Variants in CAMTA1 observed in about 807,000 individuals in gnomAD.
CAMTA1 encodes the protein calmodulin binding transcription activator 1, also known as calmodulin-binding transcription activator 1.
Under a neutral mutation model 170.9 loss-of-function variants are expected in CAMTA1, and 27 were observed. The observed-to-expected ratio is 0.16, with a 90% CI of 0.12 to 0.22. The LOEUF is 0.22. Among genes scored for constraint, CAMTA1 ranks in the 10% least tolerant of loss-of-function variants. The probability of loss-of-function intolerance (pLI) is 1.00; values close to 1 mark genes in which losing one functional copy is unlikely to be tolerated. For synonymous variants in CAMTA1, 833 were observed against 891.5 expected, an observed-to-expected ratio of 0.93 and a Z score of 1.17; for missense variants, 1,619 against 2,217.2, an observed-to-expected ratio of 0.73 and a Z score of 5.42.
At chr1:7,489,321 A>G (rs909533627) in intron 6 of CAMTA1, among the ~76,000 whole-genome samples, 2 of 152,224 alleles carry the variant, frequency 1.3e-5, no homozygotes, top group Non-Finnish European at 2.9e-5. Context: ...AATCACAGCC[A>G]AGAGATCTTT....
At chr1:7,541,522 A>G (rs1450793661) in intron 6 of CAMTA1, among the ~76,000 whole-genome samples, 1 of 152,258 alleles carries the variant, frequency 6.6e-6, no homozygotes, top group Non-Finnish European at 1.5e-5. Context: ...ATTGCTGCCC[A>G]AGGTGCACGG....
intron 4 of CAMTA1, among the ~76,000 whole-genome samples, chr1:7,239,864 A>C (rs1249215666): frequency 1.3e-5 from 2 of 152,008 alleles, no homozygotes. Context: ...AGAGAGGGCA[A>C]GAATGAGAGA....
chr1:7,530,194 C>T (rs540941593), intron 6 of CAMTA1, among the ~76,000 whole-genome samples: 18 of 152,320 alleles, frequency 1.2e-4, no homozygotes, highest in African/African-American at 4.1e-4. Flanking sequence ...GGGCACAGCC[C>T]GTGCACAGCC....
chr1:7,680,288 T>C lies in CAMTA1; in HGVS notation c.2914+2555T>C. On this transcript the variant is annotated intron_variant, in intron 11 of 22. Coordinates refer to ENST00000303635, the MANE Select transcript of CAMTA1 (RefSeq NM_015215.4). The surrounding 1 kb of genome is among the most constrained non-coding windows in gnomAD (Gnocchi z 4.4). ...CTCCGCAGCTTCTCGGCTCAGCCCC[T>C]CCCGTCCCCGCGGGCGCTGGGCCGA... The C allele has an allele frequency of 5.0e-6, 1 of 200,194 alleles. No individual in the cohort carries two copies. Among genetic ancestry groups the C allele is most frequent in the Non-Finnish European group, 1.1e-5 (1 of 92,426 alleles). The allele number at this position is 200,194 out of a possible 1,614,324, so 12.4% of individuals were successfully genotyped here.
Position 7,701,870 on chromosome 1 carries a change from G to A in CAMTA1, c.2914+24137G>A, listed in dbSNP as rs572707741. ...GTGTAACAATATGCTTGAATCATGC[G>A]CGTGCCTTATTCTCTCATCTTCTAA... is the stretch of plus-strand genomic sequence containing the variant. On this transcript the variant is annotated intron_variant, in intron 11 of 22. Transcript: ENST00000303635. Among the ~76,000 whole-genome samples the A allele has an allele frequency of 3.9e-3, 586 of 152,154 alleles. 4 individuals carry two copies. The highest frequency in any genetic ancestry group is 0.013 in the African/African-American group (552 of 41,490).
intron 11 of CAMTA1, among the ~76,000 whole-genome samples, chr1:7,700,437 TG>T (rs2096427109): frequency 6.6e-6 from 1 of 152,248 alleles, no homozygotes; most frequent in Non-Finnish European, 1.5e-5. Context: ...TTTCTTTTAC[TG>T]GAAGTTGATA....
intron 10 of CAMTA1, chr1:7,672,207 T>A (rs778566486): frequency 2.3e-5 from 9 of 384,584 alleles, no homozygotes; most frequent in Non-Finnish European, 4.2e-5. Flanking sequence ...AGACTGGGGG[T>A]GAGGAGGAAA....
intron 5 of CAMTA1, among the ~76,000 whole-genome samples, chr1:7,290,252 C>T (rs1672932607): frequency 6.6e-6 from 1 of 152,240 alleles, no homozygotes; most frequent in Non-Finnish European, 1.5e-5. Context: ...CTGCCTTTGA[C>T]AGTGCCTTCC....
At chr1:6,938,801 A>G (rs1453470722) in intron 3 of CAMTA1, among the ~76,000 whole-genome samples, 1 of 152,114 alleles carries the variant, frequency 6.6e-6, no homozygotes, top group African/African-American at 2.4e-5. Context: ...TGACTGCGGT[A>G]TAGACTGACC....
intron 4 of CAMTA1, among the ~76,000 whole-genome samples, chr1:7,176,366 G>T (rs745549840): frequency 1.3e-5 from 2 of 152,220 alleles, no homozygotes; most frequent in Non-Finnish European, 2.9e-5. Context: ...GGTGACTGGG[G>T]TGCTTGAGGG....
intron 3 of CAMTA1, among the ~76,000 whole-genome samples, chr1:6,875,026 C>T (rs922947701): frequency 5.9e-5 from 9 of 152,140 alleles, no homozygotes; most frequent in Non-Finnish European, 8.8e-5. Flanking sequence ...TTTAATCATC[C>T]ACATTTACCT....
chr1:7,374,666 C>T (rs973065424), intron 5 of CAMTA1, among the ~76,000 whole-genome samples: 3 of 152,174 alleles, frequency 2.0e-5, no homozygotes, highest in East Asian at 1.9e-4. Context: ...AGGAAGCAGG[C>T]GTGCGGCACC....
chr1:7,594,610 G>A (rs1444237757), intron 6 of CAMTA1, among the ~76,000 whole-genome samples: 1 of 152,206 alleles, frequency 6.6e-6, no homozygotes, highest in Non-Finnish European at 1.5e-5. Context: ...GCCCTCTCAG[G>A]GTCCAGACAA....
intron 3 of CAMTA1, among the ~76,000 whole-genome samples, chr1:6,835,092 C>G (rs1652410607): frequency 6.6e-6 from 1 of 152,170 alleles, no homozygotes; most frequent in South Asian, 2.1e-4. Flanking sequence ...GCTCGAGGTT[C>G]TTCTTTGGTG....
At chr1:7,584,829 A>T (rs2095294901) in intron 6 of CAMTA1, among the ~76,000 whole-genome samples, 1 of 152,172 alleles carries the variant, frequency 6.6e-6, no homozygotes, top group Non-Finnish European at 1.5e-5. Context: ...TGCTAGTGGC[A>T]TCTGGTGGGT....
intron 6 of CAMTA1, among the ~76,000 whole-genome samples, chr1:7,558,345 G>A (rs1488352738): frequency 6.6e-6 from 1 of 152,212 alleles, no homozygotes; most frequent in Non-Finnish European, 1.5e-5. Flanking sequence ...AAGGCCGCCA[G>A]GGTTGAAGGC....
chr1:7,256,553 G>A (rs761144436), intron 5 of CAMTA1, among the ~76,000 whole-genome samples: 7 of 152,102 alleles, frequency 4.6e-5, no homozygotes, highest in African/African-American at 1.4e-4. Flanking sequence ...GCGAGACTCC[G>A]TCTCAAAAAC....
At chr1:7,032,346 A>G (rs1361155858) in intron 3 of CAMTA1, among the ~76,000 whole-genome samples, 1 of 152,132 alleles carries the variant, frequency 6.6e-6, no homozygotes, top group African/African-American at 2.4e-5. Flanking sequence ...TGGCTGGCTT[A>G]TCTATAAATC....
Position 6,963,356 on chromosome 1 carries a change from G to C in CAMTA1, c.235-127948G>C, listed in dbSNP as rs1022728406. ...TCCCTTTTGGCCCCTCCTTGCCCGCGCCGCCCCTCTGGAGCCACCCCTCTT... is the reference window on the plus strand; with the variant it reads ...TCCCTTTTGGCCCCTCCTTGCCCGCCCCGCCCCTCTGGAGCCACCCCTCTT... On this transcript the variant is annotated intron_variant, in intron 3 of 22. Coordinates refer to ENST00000303635, the MANE Select transcript of CAMTA1 (RefSeq NM_015215.4). 1.0e-3 allele frequency among the ~76,000 whole-genome samples: 113 copies of C among 107,888 alleles called. 1 individual carries two copies. The highest frequency in any genetic ancestry group is 3.7e-3 in the African/African-American group (107 of 28,898). The allele number at this position is 107,888 out of a possible 152,430, so 70.8% of individuals were successfully genotyped here. A position where few individuals can be genotyped will look rare whatever the true frequency, so the allele number is the denominator to read the frequency against.
Sources: gnomAD v4.1 joint callset for allele counts (sites outside exome capture counted in the v4.1 genomes callset) on GRCh38, gnomAD v4.1.1 for gene constraint, Gnocchi (gnomAD v3.1) non-coding constraint, MANE v1.5 for transcripts, NCBI Gene and HGNC (gene_info 2026-07-23, HGNC 2026-07-21) for gene names.